Variants in DLGAP2 observed in about 807,000 individuals in gnomAD.
DLGAP2 encodes the protein DLG associated protein 2, also known as disks large-associated protein 2.
Under a neutral mutation model 100.3 loss-of-function variants are expected in DLGAP2, and 26 were observed. The ratio of observed to expected loss-of-function variants is 0.26; its 90% CI spans 0.19 to 0.36. The LOEUF (loss-of-function observed/expected upper bound fraction) is 0.36. Ranked by LOEUF, DLGAP2 falls within the 10% of genes least tolerant of loss-of-function variation. The pLI is 1.00. For missense variants in DLGAP2, 1,858 were observed against 1,453.2 expected, an observed-to-expected ratio of 1.28 and a Z score of -4.53; for synonymous variants, 886 against 630.1, an observed-to-expected ratio of 1.41 and a Z score of -6.08.
chr8:851,300 C>G (rs986110779), intron 1 of DLGAP2, among the ~76,000 whole-genome samples: 7 of 152,180 alleles, frequency 4.6e-5, no homozygotes, highest in African/African-American at 1.7e-4. Context: ...CGCACCCTGA[C>G]AAAGTCGCCT....
intron 5 of DLGAP2, 193 bp from the exon 6 acceptor site, chr8:1,565,490 A>G: frequency 1.8e-6 from 1 of 554,526 alleles, no homozygotes; most frequent in Non-Finnish European, 3.1e-6. Context: ...ATCACTTATA[A>G]TGAAGAAAAA....
In DLGAP2 at chr8:1,217,977, T is replaced by C. The variant is rs373249542; in HGVS notation, c.74-40874T>C. ...TTTTTGCTTGTTGATTTAAGTTCTT[T>C]GTTGATGCTAGGTATTAGACCTTTG... On this transcript the variant is annotated intron_variant, in intron 2 of 14. Coordinates refer to ENST00000637795, the MANE Select transcript of DLGAP2 (RefSeq NM_001346810.2). Among the ~76,000 whole-genome samples, 6 of 152,302 alleles carry C rather than the reference T, an allele frequency of 3.9e-5. No individual in the cohort carries two copies. The East Asian group carries it at 1.2e-3, about 29-fold the overall frequency.
At chr8:1,329,211 T>C (rs1801093502) in intron 3 of DLGAP2, among the ~76,000 whole-genome samples, 2 of 152,244 alleles carry the variant, frequency 1.3e-5, no homozygotes, top group Non-Finnish European at 2.9e-5. Context: ...TTAAAAACAA[T>C]GTCTTTTAGT....
At chr8:941,591 A>G (rs1208425666) in intron 2 of DLGAP2, among the ~76,000 whole-genome samples, 1 of 152,174 alleles carries the variant, frequency 6.6e-6, no homozygotes, top group Non-Finnish European at 1.5e-5. Flanking sequence ...AAAAAATAAC[A>G]GCAGCTCTCA....
At chr8:918,203 G>T (rs896485887) in intron 2 of DLGAP2, among the ~76,000 whole-genome samples, 5 of 152,146 alleles carry the variant, frequency 3.3e-5, no homozygotes, top group African/African-American at 1.2e-4. Flanking sequence ...AGGAGACTGG[G>T]GCATGGAAAT....
At chr8:1,117,318 C>T (rs1046776553) in intron 2 of DLGAP2, among the ~76,000 whole-genome samples, 1 of 152,218 alleles carries the variant, frequency 6.6e-6, no homozygotes, top group African/African-American at 2.4e-5. Flanking sequence ...AGAGGTGCCA[C>T]ACTGGGGACG....
In DLGAP2 at chr8:1,343,570, C is replaced by T. The variant is rs764464703; in HGVS notation, c.106+84687C>T. On this transcript the variant is annotated intron_variant, in intron 3 of 14. Coordinates refer to ENST00000637795, the MANE Select transcript of DLGAP2 (RefSeq NM_001346810.2). The stretch of plus-strand genomic sequence containing the variant: ...AAAGGCCAACAGGTTACCCCAGAGG[C>T]GCTGGTCAAAACCAGAACTTTCTTG... Among the ~76,000 whole-genome samples the T allele has an allele frequency of 5.9e-5, 9 of 152,334 alleles. 1 individual carries two copies. In the East Asian group the frequency reaches 7.7e-4, roughly 13 times the overall value.
At chr8:1,069,449 C>T (rs999772794) in intron 2 of DLGAP2, among the ~76,000 whole-genome samples, 5 of 152,174 alleles carry the variant, frequency 3.3e-5, no homozygotes, top group Admixed American at 2.6e-4. Flanking sequence ...TCAACTGTAA[C>T]ATTTTTAGAA....
chr8:1,338,186 C>T (rs1392286991), intron 3 of DLGAP2, among the ~76,000 whole-genome samples: 1 of 152,338 alleles, frequency 6.6e-6, no homozygotes, highest in South Asian at 2.1e-4. Flanking sequence ...CCTAAGCATT[C>T]ATCCCAGAGA....
At chr8:1,592,998 A>ATT (rs1310916088) in intron 6 of DLGAP2, among the ~76,000 whole-genome samples, 91 of 152,310 alleles carry the variant, frequency 6.0e-4, no homozygotes, top group African/African-American at 2.0e-3. Context: ...TGAAGTACTC[A>ATT]AATTATTTAT....
chr8:1,605,498 G>T (rs1258124544), intron 6 of DLGAP2, among the ~76,000 whole-genome samples: 1 of 152,190 alleles, frequency 6.6e-6, no homozygotes, highest in East Asian at 1.9e-4. Context: ...GCTCTAGTGA[G>T]TGCGGCCTGT....
intron 1 of DLGAP2, among the ~76,000 whole-genome samples, chr8:824,728 G>C (rs998876624): frequency 2.0e-5 from 3 of 152,146 alleles, no homozygotes; most frequent in African/African-American, 7.2e-5. Flanking sequence ...GCGATTCAGA[G>C]GACCCAGGAT....
intron 2 of DLGAP2, among the ~76,000 whole-genome samples, chr8:1,101,252 A>G (rs1400873152): frequency 6.6e-6 from 1 of 152,220 alleles, no homozygotes; most frequent in Non-Finnish European, 1.5e-5. Flanking sequence ...TTAAAATCCA[A>G]CAAAGGCTCA....
chr8:1,667,027 C>T (rs1798561205), intron 8 of DLGAP2, among the ~76,000 whole-genome samples: 1 of 152,192 alleles, frequency 6.6e-6, no homozygotes, highest in Non-Finnish European at 1.5e-5. Context: ...GCGCACTCAC[C>T]TACGTCACAA....
In DLGAP2 at chr8:905,861, G is replaced by C. The variant is rs566883351; in HGVS notation, c.19-2051G>C. ...TCACATGCATGTCTTGTGACCTCTC[G>C]CGGCCCTTTCCAATACTGTCGCCAC... is the stretch of plus-strand genomic sequence containing the variant. On this transcript the variant is annotated intron_variant, in intron 1 of 14. Transcript: ENST00000637795. Among the ~76,000 whole-genome samples the C allele has an allele frequency of 4.0e-3, 534 of 132,646 alleles. 1 individual carries two copies. Among genetic ancestry groups the C allele is most frequent in the African/African-American group, 0.014 (502 of 35,032 alleles). The allele number at this position is 132,646 out of a possible 152,430, so 87.0% of individuals were successfully genotyped here.
chr8:1,641,573 A>G (rs568493059), intron 8 of DLGAP2, among the ~76,000 whole-genome samples: 4 of 152,250 alleles, frequency 2.6e-5, no homozygotes, highest in East Asian at 1.9e-4. Context: ...GCAGTTGACA[A>G]CGATCTGCGT....
rs543042088 is a variant in DLGAP2 at position 792,367 on chromosome 8, T to G, written c.18+54542T>G. Among the ~76,000 whole-genome samples, 692 of 152,342 alleles carry G rather than the reference T, an allele frequency of 4.5e-3. 1 individual carries two copies. The highest frequency in any genetic ancestry group is 7.4e-3 in the Non-Finnish European group (503 of 68,034). ...GCTAATTTTATTTTTCCCTTCCTAA[T>G]ATTTATACTCCTAGTTTTTGTCTTA... On this transcript the variant is annotated intron_variant, in intron 1 of 14. Transcript: ENST00000637795.
chr8:1,473,417 C>T (rs772525482), intron 3 of DLGAP2, among the ~76,000 whole-genome samples: 9 of 152,136 alleles, frequency 5.9e-5, no homozygotes, highest in Non-Finnish European at 7.3e-5. Flanking sequence ...GGGCTGGAGG[C>T]GAAGGTGTTC....
intron 2 of DLGAP2, among the ~76,000 whole-genome samples, chr8:1,010,109 T>A (rs550218234): frequency 6.6e-6 from 1 of 152,352 alleles, no homozygotes; most frequent in East Asian, 1.9e-4. Context: ...TAAAGATTTT[T>A]AAAATATCTT....
Sources: gnomAD v4.1 joint callset for allele counts (sites outside exome capture counted in the v4.1 genomes callset) on GRCh38, gnomAD v4.1.1 for gene constraint, MANE v1.5 for transcripts, NCBI Gene and HGNC (gene_info 2026-07-23, HGNC 2026-07-21) for gene names.